ZNF599: variants seen among roughly 807,000 people sequenced by gnomAD.
ZNF599 encodes the protein zinc finger protein 599.
A neutral mutation model predicts 11.7 loss-of-function variants in ZNF599; 10 were observed. The ratio of observed to expected loss-of-function variants is 0.86; its 90% CI spans 0.53 to 1.45. ZNF599 has a LOEUF of 1.45. Ranked by LOEUF, ZNF599 falls within the 40% of genes most tolerant of loss-of-function variation. ZNF599 has a pLI of 0.00. For synonymous variants in ZNF599, 232 were observed against 253.2 expected, an observed-to-expected ratio of 0.92 and a Z score of 0.79; for missense variants, 688 against 713.6, an observed-to-expected ratio of 0.96 and a Z score of 0.41.
chr19:34,793,715 C>T, the ZNF599 span, among the ~76,000 whole-genome samples: 324 of 152,244 alleles, frequency 2.1e-3, 5 homozygotes, highest in Non-Finnish European at 1.3e-3. Flanking sequence ...AAAGTGAAAG[C>T]AAGTTTATTA....
Position 34,773,157 on chromosome 19 carries a change from A to C in ZNF599, c.-316T>G. On this transcript the variant is annotated 5_prime_UTR_variant, in exon 1 of 4. Coordinates refer to ENST00000329285, the MANE Select transcript of ZNF599 (RefSeq NM_001007248.3). ...GTGGCCCCTGTCTGGCGTTCTACCC[A>C]GTGTAGCGTTGGCAACCACAGCAGC... 2.8e-6 allele frequency: 1 copy of C among 359,860 alleles called. No homozygotes were observed. Among genetic ancestry groups the C allele is most frequent in the Non-Finnish European group, 5.0e-6 (1 of 200,696 alleles). The allele number at this position is 359,860 out of a possible 1,614,324, so 22.3% of individuals were successfully genotyped here.
Position 34,760,497 on chromosome 19 carries a change from AT to A in ZNF599, c.303del (p.Glu101AspfsTer27), listed in dbSNP as rs1360869943. 1 of 1,614,148 alleles carries A rather than the reference AT, an allele frequency of 6.2e-7. No homozygotes were observed. The part of the protein sequence containing the change: ...PTASQLAFSE[E>X]SSFQELLAQR... ...TGTGCCAGAAGTTCCTGGAAAGAGGATTCCTCAGAGAAGGCCAGCTGAGAAG... is the reference window on the plus strand; with the variant it reads ...TGTGCCAGAAGTTCCTGGAAAGAGGATCCTCAGAGAAGGCCAGCTGAGAAG... On this transcript the variant is annotated frameshift_variant, in exon 4 of 4. Transcript: ENST00000329285. LOFTEE classifies it low-confidence loss of function (END_TRUNC).
At chr19:34,779,327 C>T in the ZNF599 span, 1 of 228,354 alleles carries the variant, frequency 4.4e-6, no homozygotes, top group Non-Finnish European at 8.5e-6. Context: ...TCTCAAACTT[C>T]CAACCTCAAG....
chr19:34,790,126 G>A, the ZNF599 span, among the ~76,000 whole-genome samples: 1 of 152,172 alleles, frequency 6.6e-6, no homozygotes, highest in Non-Finnish European at 1.5e-5. Flanking sequence ...CCCATGGTGT[G>A]TTTTCAGTGC....
At chr19:34,774,363 A>G (rs991833285), upstream of ZNF599, among the ~76,000 whole-genome samples, 7 of 152,192 alleles carry the variant, frequency 4.6e-5, no homozygotes, top group African/African-American at 1.4e-4. Flanking sequence ...CCAGCAACTC[A>G]GGGTCACCAG....
At chr19:34,796,593 G>A in the ZNF599 span, among the ~76,000 whole-genome samples, 2 of 152,204 alleles carry the variant, frequency 1.3e-5, no homozygotes, top group Middle Eastern at 3.4e-3. Flanking sequence ...TTACAGGTGT[G>A]AGCCACCATG....
chr19:34,779,012 C>G, the ZNF599 span, among the ~76,000 whole-genome samples: 3 of 152,146 alleles, frequency 2.0e-5, no homozygotes, highest in African/African-American at 7.2e-5. Context: ...ATTAAAAACA[C>G]TGACAACACC....
At chr19:34,763,374 A>AG (rs933192910) in intron 3 of ZNF599, 2 of 152,244 alleles carry the variant, frequency 1.3e-5, no homozygotes, top group East Asian at 3.8e-4. Context: ...TGAAAGTCAG[A>AG]GGGGGGCCAG....
At chr19:34,793,381 G>A in the ZNF599 span, among the ~76,000 whole-genome samples, 1 of 152,130 alleles carries the variant, frequency 6.6e-6, no homozygotes, top group Non-Finnish European at 1.5e-5. Context: ...ACAGGGCCTG[G>A]CATAGGGTCA....
the ZNF599 span, among the ~76,000 whole-genome samples, chr19:34,790,196 A>G: frequency 6.6e-6 from 1 of 152,138 alleles, no homozygotes; most frequent in South Asian, 2.1e-4. Context: ...TCTCTATTCA[A>G]TTAACGATAG....
the ZNF599 span, among the ~76,000 whole-genome samples, chr19:34,792,663 A>G: frequency 6.6e-6 from 1 of 152,058 alleles, no homozygotes; most frequent in Admixed American, 6.6e-5. Context: ...GGAGATCGAG[A>G]CCATCCTGGC....
At chr19:34,760,880 T>G (rs1455063682) in intron 3 of ZNF599, among the ~76,000 whole-genome samples, 2 of 152,160 alleles carry the variant, frequency 1.3e-5, no homozygotes, top group Non-Finnish European at 2.9e-5. Flanking sequence ...AGAGGCAGTC[T>G]CATGGTGCTA....
At chr19:34,803,845 C>A in the ZNF599 span, among the ~76,000 whole-genome samples, 1 of 152,302 alleles carries the variant, frequency 6.6e-6, no homozygotes, top group East Asian at 1.9e-4. Context: ...CTAGGACACA[C>A]TCCCTCTCCA....
Position 34,759,010 on chromosome 19 carries a change from T to C in ZNF599, c.*24A>G, listed in dbSNP as rs769628565. ...ATGAGTTCACTAAAGACAAACACAC[T>C]TGTAATAGGCCTTCCTGTATCTTTT... On this transcript the variant is annotated 3_prime_UTR_variant, in exon 4 of 4. Transcript: ENST00000329285. The C allele has an allele frequency of 6.3e-7, 1 of 1,576,164 alleles. No homozygotes were observed. Among genetic ancestry groups the C allele is most frequent in the Non-Finnish European group, 8.6e-7 (1 of 1,160,024 alleles).
At position 34,759,618 on chromosome 19, in the gene ZNF599, A is replaced by AG. The variant is rs776643947; in HGVS notation, c.1182dup (p.Tyr395LeufsTer2). On this transcript the variant is annotated frameshift_variant, in exon 4 of 4. Coordinates refer to ENST00000329285, the MANE Select transcript of ZNF599 (RefSeq NM_001007248.3). LOFTEE classifies it low-confidence loss of function (END_TRUNC). ...GCCTTTCCACATTCACCGCACTCAT[A>AG]GGGTTTCTCTCCAGTGTGAATCCTC... 1 of 1,614,180 alleles carries AG rather than the reference A, an allele frequency of 6.2e-7. No homozygotes were observed. The highest frequency in any genetic ancestry group is 8.5e-7 in the Non-Finnish European group (1 of 1,180,032).
At chr19:34,776,797 C>T (rs551121583), upstream of ZNF599, among the ~76,000 whole-genome samples, 148 of 152,316 alleles carry the variant, frequency 9.7e-4, 1 homozygote, top group East Asian at 5.8e-3. Context: ...GCTACCCCAT[C>T]GGCAGAGAGT....
chr19:34,783,821 C>G, the ZNF599 span, among the ~76,000 whole-genome samples: 18,526 of 152,084 alleles, frequency 0.12, 1,202 homozygotes, highest in Middle Eastern at 0.2. Context: ...ACTTCCTTCC[C>G]ACAGGGGTAG....
chr19:34,760,783 C>G (rs1389029363), intron 3 of ZNF599, among the ~76,000 whole-genome samples: 3 of 152,126 alleles, frequency 2.0e-5, no homozygotes, highest in Non-Finnish European at 2.9e-5. Context: ...GGCAAAGAAT[C>G]TGGAATGGAG....
chr19:34,806,907 C>T, the ZNF599 span, among the ~76,000 whole-genome samples: 19 of 152,274 alleles, frequency 1.2e-4, 1 homozygote, highest in Admixed American at 8.5e-4. Context: ...TCTTAGTAAA[C>T]CTTTATTGCT....
Sources: allele counts gnomAD v4.1 joint callset (sites outside exome capture counted in the v4.1 genomes callset), GRCh38; gene constraint gnomAD v4.1.1; transcripts MANE v1.5; gene names NCBI Gene and HGNC (gene_info 2026-07-23, HGNC 2026-07-21).